DLK2: variants seen among roughly 807,000 people sequenced by gnomAD.
The protein encoded by DLK2 is delta like non-canonical Notch ligand 2, also known as protein delta homolog 2.
DLK2 carries 9 observed loss-of-function variants against 31.3 expected under a neutral mutation model. The observed-to-expected ratio is 0.29, with a 90% CI of 0.17 to 0.50. The LOEUF is 0.50. DLK2 is among the 20% of genes least tolerant of loss of function. The probability of loss-of-function intolerance (pLI) is 0.98; values close to 1 mark genes in which losing one functional copy is unlikely to be tolerated. For synonymous variants in DLK2, 169 were observed against 201.2 expected, an observed-to-expected ratio of 0.84 and a Z score of 1.35; for missense variants, 387 against 526.1, an observed-to-expected ratio of 0.74 and a Z score of 2.59.
Position 43,454,759 on chromosome 6 carries a change from G to T in DLK2, c.67C>A (p.Pro23Thr). Reference protein sequence around the residue: ...LLCILGAPGQPVRADDCSSHC... With the variant: ...LLCILGAPGQTVRADDCSSHC... The stretch of plus-strand genomic sequence containing the variant: ...CAGCGGGCGCGCTCACCTCGGACAG[G>T]CTGACCGGGAGCCCCCAGAATGCAC... The change falls in exon 2 of 6, where the codon CCT (proline) becomes ACT (threonine). Residue 23 changes from proline to threonine, a missense_variant. Physicochemically the swap from Pro to Thr is conservative, Grantham distance 38. Coordinates refer to ENST00000372488, the MANE Select transcript of DLK2 (RefSeq NM_023932.4). 6.4e-7 allele frequency: 1 copy of T among 1,553,380 alleles called. No individual in the cohort carries two copies.
chr6:43,452,525 G>A (rs1289678372), intron 4 of DLK2, among the ~76,000 whole-genome samples: 3 of 152,256 alleles, frequency 2.0e-5, no homozygotes, highest in Non-Finnish European at 4.4e-5. Flanking sequence ...AGACCAGCCT[G>A]GCCAACATGG....
chr6:43,454,294 C>A, intron 3 of DLK2, 117 bp downstream of exon 3: 1 of 959,080 alleles, frequency 1.0e-6, no homozygotes, highest in Non-Finnish European at 1.6e-6. Context: ...GGCCAGTCAG[C>A]CATAGGAGTG....
At chr6:43,456,116 G>A (rs1452848014), upstream of DLK2, 2 of 150,060 alleles carry the variant, frequency 1.3e-5, no homozygotes, top group Non-Finnish European at 3.0e-5. Flanking sequence ...ACCACACCCC[G>A]GCCCTACCCC....
chr6:43,456,354 A>G (rs1045479051), upstream of DLK2: 3 of 152,562 alleles, frequency 2.0e-5, no homozygotes, highest in Non-Finnish European at 4.4e-5. Context: ...ACGGAGGGGG[A>G]GTGGGGGAAA....
At chr6:43,452,199 A>C (rs1783790604) in intron 4 of DLK2, 115 bp from the exon 5 acceptor site, 1 of 1,459,890 alleles carries the variant, frequency 6.8e-7, no homozygotes, top group Non-Finnish European at 9.2e-7. Flanking sequence ...CTACAAACCC[A>C]GCCCAGGCTG....
Position 43,454,820 on chromosome 6 carries a change from G to A in DLK2, c.6C>T (p.Pro2=). 1 of 1,550,372 alleles carries A rather than the reference G, an allele frequency of 6.5e-7. No homozygotes were observed. The highest frequency in any genetic ancestry group is 8.7e-7 in the Non-Finnish European group (1 of 1,154,168). ...CGAGATGCAGGCAGCGGCAGCCGCT[G>A]GGCATGGTCAGCGCCGGCCCCAGGA... The part of the protein sequence containing the change: M[P]SGCRCLHLVC... The change falls in exon 2 of 6, where the codon CCC becomes CCT. Residue 2 remains proline (P), a synonymous_variant. Coordinates refer to ENST00000372488, the MANE Select transcript of DLK2 (RefSeq NM_023932.4).
At position 43,454,783 on chromosome 6, in the gene DLK2, A is replaced by C. The variant is rs1489635140; in HGVS notation, c.43T>G (p.Cys15Gly). The C allele has an allele frequency of 1.9e-6, 3 of 1,555,402 alleles. No individual in the cohort carries two copies. The highest frequency in any genetic ancestry group is 4.8e-5 in the East Asian group (2 of 41,736). ...GGCTGACCGGGAGCCCCCAGAATGCACAACAGGCACACGAGATGCAGGCAG... is the reference window on the plus strand; with the variant it reads ...GGCTGACCGGGAGCCCCCAGAATGCCCAACAGGCACACGAGATGCAGGCAG... ...CRCLHLVCLL[C>G]ILGAPGQPVR... is the part of the protein sequence containing the mutation. The change falls in exon 2 of 6, where the codon TGC becomes GGC. Residue 15 changes from cysteine (C) to glycine (G), a missense_variant. Physicochemically the swap from Cys to Gly is radical, Grantham distance 159 (BLOSUM62 -3). Transcript: ENST00000372488.
intron 4 of DLK2, 94 bp from the exon 5 acceptor site, chr6:43,452,178 G>T: frequency 1.9e-6 from 3 of 1,552,482 alleles, no homozygotes; most frequent in Non-Finnish European, 2.6e-6. Flanking sequence ...GGTTCTGTAG[G>T]TGTGGCTATA....
chr6:43,454,852 G>T lies in DLK2; in HGVS notation c.-27C>A. On this transcript the variant is annotated 5_prime_UTR_variant, in exon 2 of 6. Transcript: ENST00000372488. ...GTCAGCGCCGGCCCCAGGAGGGACG[G>T]ACGGATGGACGGCCGGACGCGTGGA... The T allele has an allele frequency of 6.5e-7, 1 of 1,537,812 alleles. No individual in the cohort carries two copies.
upstream of DLK2, chr6:43,455,680 G>A (rs888860298): frequency 3.0e-5 from 4 of 132,644 alleles, no homozygotes; most frequent in Non-Finnish European, 4.7e-5. Flanking sequence ...AGCACCCGGC[G>A]CGCCCCGGGG....
rs1264146917 is a variant in DLK2, at chr6:43,450,943, C to T, written c.748G>A (p.Val250Ile). Residue 250 changes from valine (V) to isoleucine (I), a missense_variant, in exon 6 of 6, where the codon GTC becomes ATC. Transcript: ENST00000372488. This position sits in a 1 kb window ranked among gnomAD's most constrained non-coding sequence, Gnocchi z 4.5. The stretch of plus-strand genomic sequence containing the variant: ...GTTGGGGGGTCTGGGACAGGTAAGA[C>T]AAGCTCACAGGTCTTGCCACCATAG... ...SGYGGKTCEL[V>I]LPVPDPPTTV... The T allele has an allele frequency of 1.2e-6, 2 of 1,614,064 alleles. No individual in the cohort carries two copies. The highest frequency in any genetic ancestry group is 1.3e-5 in the African/African-American group (1 of 74,934).
chr6:43,451,822 T>C lies in DLK2; in HGVS notation c.416+118A>G. 2 of 1,454,466 alleles carry C rather than the reference T, an allele frequency of 1.4e-6. No homozygotes were observed. Among genetic ancestry groups the C allele is most frequent in the East Asian group, 2.5e-5 (1 of 40,580 alleles). The allele number at this position is 1,454,466 out of a possible 1,614,324, so 90.1% of individuals were successfully genotyped here. ...TTGGCATGCAGGGGTTTTATCTGAG[T>C]GTCCCCGTGTGGGTCTGACTCTCAG... On this transcript the variant is annotated intron_variant, in intron 5 of 5. Coordinates refer to ENST00000372488, the MANE Select transcript of DLK2 (RefSeq NM_023932.4). This position sits in a 1 kb window ranked among gnomAD's most constrained non-coding sequence, Gnocchi z 4.4.
rs1322382899 is a variant in DLK2 at position 43,453,226 on chromosome 6, CAT to C, written c.141-93_141-92del. 7 of 1,461,762 alleles carry C rather than the reference CAT, an allele frequency of 4.8e-6. No individual in the cohort carries two copies. Among genetic ancestry groups the C allele is most frequent in the Non-Finnish European group, 5.4e-6 (6 of 1,101,276 alleles). 90.5% of individuals were successfully genotyped at this position (1,461,762 alleles called of 1,614,324 possible). A position where few individuals can be genotyped will look rare whatever the true frequency, so the allele number is the denominator to read the frequency against. On this transcript the variant is annotated intron_variant, in intron 3 of 5. Coordinates refer to ENST00000372488, the MANE Select transcript of DLK2 (RefSeq NM_023932.4). The surrounding 1 kb of genome is among the most constrained non-coding windows in gnomAD (Gnocchi z 4.1). ...CCAGAGCTTCTAGAAACCAAGAGGA[CAT>C]ATGACAGCCCCTAAGGGAAAGCAGA...
rs572213028 is a variant in DLK2 at position 43,450,750 on chromosome 6, C to G, written c.941G>C (p.Gly314Ala). ...EPSLVALVVF[G>A]ALTAALVLAT... Reference sequence around the variant, plus strand: ...CAGAACCAGGGCAGCAGTGAGGGCCCCAAACACCACCAGGGCCACCAAGCT... The same window carrying G: ...CAGAACCAGGGCAGCAGTGAGGGCCGCAAACACCACCAGGGCCACCAAGCT... Residue 314 changes from glycine to alanine, a missense_variant, in exon 6 of 6, where the codon GGG becomes GCG. By Grantham distance (60) the Gly-to-Ala change is moderately conservative. Coordinates refer to ENST00000372488, the MANE Select transcript of DLK2 (RefSeq NM_023932.4). This position sits in a 1 kb window ranked among gnomAD's most constrained non-coding sequence, Gnocchi z 4.5. The G allele has an allele frequency of 1.2e-6, 2 of 1,614,216 alleles. No individual in the cohort carries two copies. Among genetic ancestry groups the G allele is most frequent in the African/African-American group, 1.3e-5 (1 of 75,066 alleles).
chr6:43,451,786 C>G lies in DLK2; in HGVS notation c.416+154G>C, dbSNP rs1174386025. On this transcript the variant is annotated intron_variant, in intron 5 of 5. Coordinates refer to ENST00000372488, the MANE Select transcript of DLK2 (RefSeq NM_023932.4). The surrounding 1 kb of genome is among the most constrained non-coding windows in gnomAD (Gnocchi z 4.4). ...AAAAAAAAAGTTGAGAAACCCTGAA[C>G]TAGGAACACTTTGGCATGCAGGGGT... 1.0e-6 allele frequency: 1 copy of G among 969,864 alleles called. No individual in the cohort carries two copies. Among genetic ancestry groups the G allele is most frequent in the African/African-American group, 1.8e-5 (1 of 56,856 alleles). 60.1% of individuals were successfully genotyped at this position (969,864 alleles called of 1,614,324 possible).
intron 1 of DLK2, 172 bp from the exon 2 acceptor site, chr6:43,455,052 A>G: frequency 1.0e-6 from 1 of 984,766 alleles, no homozygotes; most frequent in Non-Finnish European, 1.2e-6. Flanking sequence ...GAGCGAGGAG[A>G]GCGAAGACAG....
intron 3 of DLK2, 80 bp downstream of exon 3, chr6:43,454,331 G>T: frequency 7.3e-7 from 1 of 1,367,592 alleles, no homozygotes; most frequent in Non-Finnish European, 1.0e-6. Flanking sequence ...AGAGTCTGAA[G>T]CCCCTAGACA....
chr6:43,450,577 C>A lies in DLK2; in HGVS notation c.1114G>T (p.Asp372Tyr). The A allele has an allele frequency of 6.3e-7, 1 of 1,579,254 alleles. No homozygotes were observed. Among genetic ancestry groups the A allele is most frequent in the Non-Finnish European group, 8.6e-7 (1 of 1,160,958 alleles). ...MLPAGLPLPR[D>Y]LPPEPGKTTA... ...GTCTTTCCAGGCTCAGGGGGCAAGT[C>A]ACGTGGCAGGGGGAGCCCTGCTGGC... The change falls in exon 6 of 6, where the codon GAC (aspartate) becomes TAC (tyrosine). Residue 372 changes from aspartate to tyrosine, a missense_variant. Asp to Tyr is a radical substitution (Grantham distance 160). Transcript: ENST00000372488. This position sits in a 1 kb window ranked among gnomAD's most constrained non-coding sequence, Gnocchi z 4.5.
At position 43,453,167 on chromosome 6, in the gene DLK2, G is replaced by T; in HGVS notation, c.141-32C>A. On this transcript the variant is annotated intron_variant, in intron 3 of 5. Coordinates refer to ENST00000372488, the MANE Select transcript of DLK2 (RefSeq NM_023932.4). The surrounding 1 kb of genome is among the most constrained non-coding windows in gnomAD (Gnocchi z 4.1). Reference sequence around the variant, plus strand: ...GGGAGAAGCACAGGGTCAGGGCTCTGGGTCATGGATGTGAAGAAATGGAGG... The same window carrying T: ...GGGAGAAGCACAGGGTCAGGGCTCTTGGTCATGGATGTGAAGAAATGGAGG... 6.4e-7 allele frequency: 1 copy of T among 1,565,628 alleles called. No individual in the cohort carries two copies. The highest frequency in any genetic ancestry group is 8.7e-7 in the Non-Finnish European group (1 of 1,151,990).
Sources: gnomAD v4.1 joint callset for allele counts (sites outside exome capture counted in the v4.1 genomes callset) on GRCh38, gnomAD v4.1.1 for gene constraint, Gnocchi (gnomAD v3.1) non-coding constraint, MANE v1.5 for transcripts, NCBI Gene and HGNC (gene_info 2026-07-23, HGNC 2026-07-21) for gene names.